The following CNTNAP2 variants were observed in gnomAD, a reference collection of about 807,000 sequenced individuals.
CNTNAP2 encodes the protein contactin-associated protein-like 2.
Under a neutral mutation model 155.2 loss-of-function variants are expected in CNTNAP2, and 98 were observed. The observed-to-expected ratio is 0.63, with a 90% CI of 0.54 to 0.75. The LOEUF (loss-of-function observed/expected upper bound fraction) is 0.75. CNTNAP2 is among the 30% of genes least tolerant of loss of function. CNTNAP2 has a pLI of 0.00. For missense variants in CNTNAP2, 1,727 were observed against 1,688.1 expected (o/e 1.02, Z -0.40); for synonymous variants, 651 against 631.2 (o/e 1.03, Z -0.47).
chr7:148,418,457 G>C lies in CNTNAP2; in HGVS notation c.*2841G>C, dbSNP rs1264022894. 6.6e-6 allele frequency: 1 copy of C among 152,248 alleles called. No individual in the cohort carries two copies. Among genetic ancestry groups the C allele is most frequent in the East Asian group, 1.9e-4 (1 of 5,182 alleles). The allele number at this position is 152,248 out of a possible 1,614,324, so 9.4% of individuals were successfully genotyped here. A position where few individuals can be genotyped will look rare whatever the true frequency, so the allele number is the denominator to read the frequency against. On this transcript the variant is annotated 3_prime_UTR_variant, in exon 24 of 24. Coordinates refer to ENST00000361727, the MANE Select transcript of CNTNAP2 (RefSeq NM_014141.6). ...TAGACAACAACAACGACAAAAAATA[G>C]ACTGTTTTAAAGTTTCAGGGAAAGT...
chr7:146,776,088 G>C (rs1011794217), intron 2 of CNTNAP2, among the ~76,000 whole-genome samples: 2 of 151,978 alleles, frequency 1.3e-5, no homozygotes, highest in African/African-American at 4.8e-5. Flanking sequence ...AATGAATATA[G>C]ACAGAAAAAC....
intron 5 of CNTNAP2, among the ~76,000 whole-genome samples, chr7:147,119,084 T>G (rs1801047834): frequency 6.6e-6 from 1 of 152,184 alleles, no homozygotes; most frequent in African/African-American, 2.4e-5. Flanking sequence ...TTTTTGTTTT[T>G]TGTACACATA....
chr7:147,742,638 C>T (rs961828220), intron 13 of CNTNAP2, among the ~76,000 whole-genome samples: 6 of 152,160 alleles, frequency 3.9e-5, no homozygotes, highest in African/African-American at 7.2e-5. Context: ...AATAAGGTTT[C>T]GCTCATGTAG....
chr7:146,590,098 C>A, intron 1 of CNTNAP2, among the ~76,000 whole-genome samples: 1 of 152,152 alleles, frequency 6.6e-6, no homozygotes, highest in East Asian at 1.9e-4. Context: ...GCTTCGTTGT[C>A]TTCTCACATT....
chr7:147,003,474 CA>C (rs888413891), intron 3 of CNTNAP2, among the ~76,000 whole-genome samples: 2 of 151,250 alleles, frequency 1.3e-5, no homozygotes, highest in African/African-American at 4.9e-5. Flanking sequence ...ATTATTAAAC[CA>C]AAAAAGGCAG....
At chr7:146,588,925 G>C (rs347174) in intron 1 of CNTNAP2, among the ~76,000 whole-genome samples, 1 of 151,746 alleles carries the variant, frequency 6.6e-6, no homozygotes, top group Non-Finnish European at 1.5e-5. Context: ...ATTTGGAAAG[G>C]ATCTGCAATA....
chr7:146,727,549 A>G (rs1801452248), intron 1 of CNTNAP2, among the ~76,000 whole-genome samples: 1 of 152,138 alleles, frequency 6.6e-6, no homozygotes, highest in South Asian at 2.1e-4. Flanking sequence ...CACACACACT[A>G]AAACCAAATA....
At chr7:148,172,739 A>C (rs185181622) in intron 18 of CNTNAP2, among the ~76,000 whole-genome samples, 2 of 152,268 alleles carry the variant, frequency 1.3e-5, no homozygotes, top group Admixed American at 6.5e-5. Flanking sequence ...AAACACTACA[A>C]AGGCAGTCTC....
intron 1 of CNTNAP2, among the ~76,000 whole-genome samples, chr7:146,618,946 T>C (rs1799272631): frequency 6.6e-6 from 1 of 151,806 alleles, no homozygotes; most frequent in South Asian, 2.1e-4. Context: ...GGTGGGGGCC[T>C]ATAATCCCAG....
At chr7:146,857,253 CACAGAGT>C (rs1020242340) in intron 3 of CNTNAP2, among the ~76,000 whole-genome samples, 40 of 151,916 alleles carry the variant, frequency 2.6e-4, no homozygotes, top group African/African-American at 9.4e-4. Context: ...AACCACATAG[CACAGAGT>C]AAAATAGAAG....
At chr7:146,275,341 G>C (rs1563017837) in intron 1 of CNTNAP2, among the ~76,000 whole-genome samples, 2 of 152,038 alleles carry the variant, frequency 1.3e-5, no homozygotes, top group African/African-American at 4.8e-5. Flanking sequence ...CATGAATAGA[G>C]GAAGGATTCA....
intron 12 of CNTNAP2, among the ~76,000 whole-genome samples, chr7:147,611,693 G>T (rs939974851): frequency 3.3e-5 from 5 of 152,092 alleles, no homozygotes; most frequent in Admixed American, 6.5e-5. Flanking sequence ...AACATAATCT[G>T]CACTTTGAGC....
chr7:147,538,755 G>T (rs373725847), intron 11 of CNTNAP2, among the ~76,000 whole-genome samples: 1 of 151,954 alleles, frequency 6.6e-6, no homozygotes, highest in African/African-American at 2.4e-5. Context: ...TCAACTAAAA[G>T]GCCTGATATC....
intron 1 of CNTNAP2, among the ~76,000 whole-genome samples, chr7:146,736,646 C>T (rs1020674248): frequency 2.0e-5 from 3 of 152,196 alleles, no homozygotes; most frequent in South Asian, 2.1e-4. Context: ...CAGCTCTCAA[C>T]CGCTGTGCTG....
intron 10 of CNTNAP2, among the ~76,000 whole-genome samples, chr7:147,413,106 G>A (rs1797131311): frequency 6.6e-6 from 1 of 152,166 alleles, no homozygotes. Flanking sequence ...GAAAATTCTA[G>A]AAGTGCATAC....
intron 1 of CNTNAP2, among the ~76,000 whole-genome samples, chr7:146,377,618 A>G (rs1472221380): frequency 1.3e-5 from 2 of 152,160 alleles, no homozygotes; most frequent in African/African-American, 4.8e-5. Flanking sequence ...GCCACTCTCT[A>G]CAGCCACTTG....
At chr7:147,706,255 T>C (rs897354015) in intron 13 of CNTNAP2, among the ~76,000 whole-genome samples, 1 of 151,774 alleles carries the variant, frequency 6.6e-6, no homozygotes, top group Non-Finnish European at 1.5e-5. Flanking sequence ...GTTTTTATGA[T>C]GGTAGATATC....
At chr7:147,967,011 T>C (rs1430527175) in intron 14 of CNTNAP2, among the ~76,000 whole-genome samples, 1 of 151,984 alleles carries the variant, frequency 6.6e-6, no homozygotes, top group Non-Finnish European at 1.5e-5. Flanking sequence ...TGGGCCATTA[T>C]AAGGGAAGAT....
chr7:147,423,831 T>C (rs1430878108), intron 10 of CNTNAP2, among the ~76,000 whole-genome samples: 1 of 152,200 alleles, frequency 6.6e-6, no homozygotes, highest in Non-Finnish European at 1.5e-5. Context: ...AAGTTACATC[T>C]ATGTCTTGTT....
Sources: allele counts gnomAD v4.1 joint callset (sites outside exome capture counted in the v4.1 genomes callset), GRCh38; gene constraint gnomAD v4.1.1; transcripts MANE v1.5; gene names NCBI Gene and HGNC (gene_info 2026-07-23, HGNC 2026-07-21).